Variants in CCSER1 observed in about 807,000 individuals in gnomAD.
CCSER1 encodes the protein serine-rich coiled-coil domain-containing protein 1.
CCSER1 carries 41 observed loss-of-function variants against 82.0 expected under a neutral mutation model. The observed-to-expected ratio is 0.50, with a 90% CI of 0.39 to 0.65. The LOEUF (loss-of-function observed/expected upper bound fraction) is 0.65. CCSER1 is among the 30% of genes least tolerant of loss of function. The pLI is 0.00. For synonymous variants in CCSER1, 414 were observed against 383.9 expected (o/e 1.08, Z -0.92); for missense variants, 1,119 against 1,064.2 (o/e 1.05, Z -0.72).
intron 10 of CCSER1, among the ~76,000 whole-genome samples, chr4:91,485,625 C>T (rs956846620): frequency 6.6e-6 from 1 of 152,172 alleles, no homozygotes; most frequent in Admixed American, 6.5e-5. Flanking sequence ...TATTACCTAA[C>T]CTTTGCAAGC....
intron 10 of CCSER1, among the ~76,000 whole-genome samples, chr4:91,528,048 G>A (rs909815278): frequency 6.6e-6 from 1 of 152,022 alleles, no homozygotes; most frequent in Non-Finnish European, 1.5e-5. Flanking sequence ...CTGAGTAGCT[G>A]GAATTACAGG....
intron 10 of CCSER1, among the ~76,000 whole-genome samples, chr4:91,575,607 A>C (rs1763414949): frequency 6.6e-6 from 1 of 152,070 alleles, no homozygotes; most frequent in Non-Finnish European, 1.5e-5. Context: ...CAAAATTCCA[A>C]AAGTATTTTT....
At chr4:90,579,831 G>A (rs771336199) in intron 5 of CCSER1, among the ~76,000 whole-genome samples, 9 of 152,134 alleles carry the variant, frequency 5.9e-5, no homozygotes, top group Non-Finnish European at 1.0e-4. Flanking sequence ...ACTTCTTGTG[G>A]AGACTGGAGA....
At chr4:91,359,228 T>C (rs566117526) in intron 10 of CCSER1, among the ~76,000 whole-genome samples, 3 of 151,950 alleles carry the variant, frequency 2.0e-5, no homozygotes, top group African/African-American at 7.2e-5. Context: ...TGCTCTACTA[T>C]ACAATGTCTG....
intron 10 of CCSER1, among the ~76,000 whole-genome samples, chr4:91,509,114 AT>A (rs1387016976): frequency 1.3e-5 from 2 of 149,736 alleles, no homozygotes; most frequent in Non-Finnish European, 1.5e-5. Flanking sequence ...AGTTTTCATT[AT>A]TTTCTTCCTT....
intron 6 of CCSER1, among the ~76,000 whole-genome samples, chr4:90,652,272 G>T (rs924568972): frequency 2.0e-5 from 3 of 152,100 alleles, no homozygotes; most frequent in African/African-American, 7.2e-5. Context: ...GATTAAACAT[G>T]CAGTAAAATA....
intron 7 of CCSER1, among the ~76,000 whole-genome samples, chr4:90,769,132 A>G (rs115793975): frequency 6.6e-6 from 1 of 152,200 alleles, no homozygotes; most frequent in African/African-American, 2.4e-5. Flanking sequence ...AAACATTATT[A>G]TAGCTTCTAG....
chr4:91,084,593 A>T (rs1234002489), intron 9 of CCSER1, among the ~76,000 whole-genome samples: 2 of 152,188 alleles, frequency 1.3e-5, no homozygotes, highest in African/African-American at 2.4e-5. Context: ...TTCAGAATTT[A>T]CTTTTAGCAT....
chr4:90,632,543 G>T (rs915528151), intron 6 of CCSER1, among the ~76,000 whole-genome samples: 5 of 152,020 alleles, frequency 3.3e-5, no homozygotes, highest in Non-Finnish European at 5.9e-5. Flanking sequence ...ATCTAACATT[G>T]TGTTTGTATC....
chr4:91,008,038 G>A (rs1038703656), intron 9 of CCSER1, among the ~76,000 whole-genome samples: 1 of 152,032 alleles, frequency 6.6e-6, no homozygotes, highest in African/African-American at 2.4e-5. Context: ...CCATGTGTTT[G>A]TATAGTTTCC....
At chr4:90,774,293 T>A (rs1484828447) in intron 7 of CCSER1, among the ~76,000 whole-genome samples, 1 of 152,118 alleles carries the variant, frequency 6.6e-6, no homozygotes, top group Non-Finnish European at 1.5e-5. Flanking sequence ...ATATGAAATA[T>A]ATTTTATGTT....
At chr4:91,380,287 A>G (rs185158371) in intron 10 of CCSER1, among the ~76,000 whole-genome samples, 1 of 152,258 alleles carries the variant, frequency 6.6e-6, no homozygotes, top group East Asian at 1.9e-4. Flanking sequence ...ACTGACTTCA[A>G]TTCCTGAATA....
At chr4:90,552,050 A>G (rs1046993301) in intron 5 of CCSER1, among the ~76,000 whole-genome samples, 1 of 152,100 alleles carries the variant, frequency 6.6e-6, no homozygotes, top group Admixed American at 6.5e-5. Context: ...AGGGAGCTGG[A>G]CTCAGCATTA....
At chr4:90,146,053 TAAAAAG>T (rs1725749523) in intron 1 of CCSER1, among the ~76,000 whole-genome samples, 1 of 152,042 alleles carries the variant, frequency 6.6e-6, no homozygotes, top group Admixed American at 6.6e-5. Flanking sequence ...TCCCAAGACT[TAAAAAG>T]AAAATAAACT....
intron 9 of CCSER1, among the ~76,000 whole-genome samples, chr4:90,991,788 T>A (rs538018384): frequency 6.6e-5 from 10 of 152,186 alleles, no homozygotes; most frequent in African/African-American, 2.4e-4. Flanking sequence ...TATGTTCCAG[T>A]CTAACTACTT....
intron 7 of CCSER1, among the ~76,000 whole-genome samples, chr4:90,755,115 C>T (rs1017459719): frequency 1.3e-5 from 2 of 152,156 alleles, no homozygotes; most frequent in African/African-American, 4.8e-5. Flanking sequence ...CCACATAACA[C>T]GTTTGCTTAT....
At chr4:91,129,778 A>T (rs896633199) in intron 10 of CCSER1, 2 of 152,078 alleles carry the variant, frequency 1.3e-5, no homozygotes, top group African/African-American at 4.8e-5. Context: ...AATTATTTCT[A>T]TCAGCACAGT....
chr4:91,410,874 C>G (rs1752979505), intron 10 of CCSER1, among the ~76,000 whole-genome samples: 1 of 151,784 alleles, frequency 6.6e-6, no homozygotes, highest in South Asian at 2.1e-4. Flanking sequence ...TAAACAAAAT[C>G]AATAACACAA....
intron 10 of CCSER1, among the ~76,000 whole-genome samples, chr4:91,591,321 G>A (rs1764259701): frequency 6.6e-6 from 1 of 151,942 alleles, no homozygotes; most frequent in African/African-American, 2.4e-5. Context: ...TTTCTTACAT[G>A]TAATTATATT....
Sources: allele counts gnomAD v4.1 joint callset (sites outside exome capture counted in the v4.1 genomes callset), GRCh38; gene constraint gnomAD v4.1.1; transcripts MANE v1.5; gene names NCBI Gene and HGNC (gene_info 2026-07-23, HGNC 2026-07-21).